The following FOXP1 variants were observed in gnomAD, a reference collection of about 807,000 sequenced individuals.
FOXP1 encodes the protein forkhead box P1, also known as forkhead box protein P1.
Under a neutral mutation model 98.2 loss-of-function variants are expected in FOXP1, and 15 were observed. The ratio of observed to expected loss-of-function variants is 0.15; its 90% CI spans 0.10 to 0.24. The LOEUF is 0.24. Ranked by LOEUF, FOXP1 falls within the 10% of genes least tolerant of loss-of-function variation. The pLI, the probability that FOXP1 is intolerant of heterozygous loss-of-function variation, is 1.00. For missense variants in FOXP1, 633 were observed against 848.5 expected, an observed-to-expected ratio of 0.75 and a Z score of 3.15; for synonymous variants, 371 against 314.5, an observed-to-expected ratio of 1.18 and a Z score of -1.90.
At chr3:71,565,953 TCAA>T (rs2046879586) in intron 2 of FOXP1, among the ~76,000 whole-genome samples, 1 of 152,096 alleles carries the variant, frequency 6.6e-6, no homozygotes. Context: ...TATAAATAAA[TCAA>T]CGAGTGAATC....
chr3:71,103,602 T>C (rs1011519469), intron 7 of FOXP1, among the ~76,000 whole-genome samples: 4 of 152,080 alleles, frequency 2.6e-5, no homozygotes, highest in Non-Finnish European at 4.4e-5. Flanking sequence ...TTCTAACCAC[T>C]GGACAGGGTC....
chr3:71,498,923 C>T (rs2041118148), intron 2 of FOXP1, among the ~76,000 whole-genome samples: 1 of 152,190 alleles, frequency 6.6e-6, no homozygotes, highest in South Asian at 2.1e-4. Context: ...AGGCTCTATC[C>T]CCACCCTGAA....
intron 3 of FOXP1, among the ~76,000 whole-genome samples, chr3:71,484,431 G>A (rs1198035325): frequency 6.6e-6 from 1 of 152,134 alleles, no homozygotes; most frequent in Non-Finnish European, 1.5e-5. Context: ...ACCAAATAGT[G>A]CCACCTGGAG....
intron 2 of FOXP1, among the ~76,000 whole-genome samples, chr3:71,510,866 A>G (rs2042157588): frequency 6.6e-6 from 1 of 152,202 alleles, no homozygotes; most frequent in Non-Finnish European, 1.5e-5. Context: ...CATTAAAACA[A>G]TTTTTTTAAA....
intron 4 of FOXP1, chr3:71,332,962 C>G (rs773729021): frequency 3.3e-5 from 5 of 152,178 alleles, no homozygotes; most frequent in Non-Finnish European, 7.3e-5. Context: ...AAAATAGCAG[C>G]TGAACTTAGG....
At chr3:71,343,558 T>TTC in intron 4 of FOXP1, among the ~76,000 whole-genome samples, 1 of 146,722 alleles carries the variant, frequency 6.8e-6, no homozygotes, top group Middle Eastern at 3.4e-3. Flanking sequence ...AATTAGATTT[T>TTC]TTTTTTTTTT....
chr3:71,001,834 A>G (rs765230783), intron 12 of FOXP1, among the ~76,000 whole-genome samples: 2 of 152,218 alleles, frequency 1.3e-5, no homozygotes, highest in Admixed American at 1.3e-4. Context: ...ATCAAAGCCT[A>G]AAGTCTTGAA....
At chr3:71,113,752 T>TAAAATAAAATAAAATAAAATAAAATAA (rs1273379683) in intron 6 of FOXP1, among the ~76,000 whole-genome samples, 1 of 150,414 alleles carries the variant, frequency 6.6e-6, no homozygotes, top group African/African-American at 2.4e-5. Flanking sequence ...TAAAATAAAA[T>TAAAATAAAATAAAATAAAATAAAATAA]AAAATAAAAG....
At chr3:71,190,064 G>A (rs1209219591) in intron 6 of FOXP1, among the ~76,000 whole-genome samples, 3 of 152,188 alleles carry the variant, frequency 2.0e-5, no homozygotes, top group Admixed American at 6.5e-5. Flanking sequence ...TTCCAAGCCA[G>A]CTAGGTTCAA....
chr3:71,414,748 A>G (rs35956082), intron 3 of FOXP1, among the ~76,000 whole-genome samples: 29,006 of 152,212 alleles, frequency 0.19, 2,971 homozygotes, highest in South Asian at 0.31. Context: ...GGGTGTGCCT[A>G]AGACAATGCC....
chr3:71,361,404 C>A (rs754842151), intron 3 of FOXP1, among the ~76,000 whole-genome samples: 2 of 152,154 alleles, frequency 1.3e-5, no homozygotes, highest in Non-Finnish European at 2.9e-5. Flanking sequence ...AAGGAACAGT[C>A]GGCAGATCAC....
At chr3:71,086,811 G>A (rs1465354208) in intron 7 of FOXP1, among the ~76,000 whole-genome samples, 3 of 152,190 alleles carry the variant, frequency 2.0e-5, no homozygotes, top group East Asian at 1.9e-4. Context: ...TTCCACTCCC[G>A]TCCCACTTTC....
At chr3:71,142,177 A>G (rs2060102061) in intron 6 of FOXP1, among the ~76,000 whole-genome samples, 1 of 152,108 alleles carries the variant, frequency 6.6e-6, no homozygotes, top group Non-Finnish European at 1.5e-5. Context: ...TAAGGAATTG[A>G]TATAATTACC....
chr3:71,437,030 C>A (rs751343128), intron 3 of FOXP1, among the ~76,000 whole-genome samples: 4 of 152,156 alleles, frequency 2.6e-5, no homozygotes, highest in Non-Finnish European at 5.9e-5. Flanking sequence ...TGAGAACAAA[C>A]TTGGTATTAC....
chr3:71,465,998 C>A (rs2088689625), intron 3 of FOXP1, among the ~76,000 whole-genome samples: 1 of 152,156 alleles, frequency 6.6e-6, no homozygotes, highest in Non-Finnish European at 1.5e-5. Flanking sequence ...CCCCTCGCAT[C>A]CATGGAAAAA....
intron 2 of FOXP1, among the ~76,000 whole-genome samples, chr3:71,503,688 C>T (rs182885541): frequency 1.7e-4 from 25 of 150,536 alleles, no homozygotes; most frequent in African/African-American, 2.4e-4. Context: ...GTTATTATTT[C>T]GTCAGGTATG....
intron 5 of FOXP1, among the ~76,000 whole-genome samples, 184 bp downstream of exon 5, chr3:71,299,636 T>C (rs916337391): frequency 1.3e-5 from 2 of 152,192 alleles, no homozygotes; most frequent in Non-Finnish European, 2.9e-5. Flanking sequence ...TGTGAACCTG[T>C]AGACCATTTC....
intron 5 of FOXP1, among the ~76,000 whole-genome samples, chr3:71,207,531 T>G (rs894964451): frequency 6.6e-6 from 1 of 152,160 alleles, no homozygotes; most frequent in Non-Finnish European, 1.5e-5. Flanking sequence ...ATATATGTAT[T>G]TTCCCCCCTG....
At chr3:71,143,534 A>G (rs774071833) in intron 6 of FOXP1, among the ~76,000 whole-genome samples, 5 of 152,166 alleles carry the variant, frequency 3.3e-5, no homozygotes, top group Non-Finnish European at 4.4e-5. Flanking sequence ...CAGTTTCCTC[A>G]TATGTAAAAT....
Sources: allele counts gnomAD v4.1 joint callset (sites outside exome capture counted in the v4.1 genomes callset), GRCh38; gene constraint gnomAD v4.1.1; transcripts MANE v1.5; gene names NCBI Gene and HGNC (gene_info 2026-07-23, HGNC 2026-07-21).